The following CTDSPL variants were observed in gnomAD, a reference collection of about 807,000 sequenced individuals.
CTDSPL encodes the protein CTD small phosphatase-like protein.
A neutral mutation model predicts 30.5 loss-of-function variants in CTDSPL; 8 were observed. The ratio of observed to expected loss-of-function variants is 0.26; its 90% CI spans 0.15 to 0.47. The LOEUF (loss-of-function observed/expected upper bound fraction) is 0.47. CTDSPL is among the 20% of genes least tolerant of loss of function. CTDSPL has a pLI of 0.99. For missense variants in CTDSPL, 248 were observed against 366.1 expected (o/e 0.68, Z 2.63); for synonymous variants, 110 against 137.9 (o/e 0.80, Z 1.42).
chr3:37,874,209 G>A (rs552401006), intron 1 of CTDSPL, among the ~76,000 whole-genome samples: 8 of 152,326 alleles, frequency 5.3e-5, no homozygotes, highest in African/African-American at 1.9e-4. Flanking sequence ...CTTAACTGTA[G>A]CATCCCAGGT....
chr3:37,864,732 A>G (rs1351093190), intron 1 of CTDSPL, among the ~76,000 whole-genome samples: 1 of 151,932 alleles, frequency 6.6e-6, no homozygotes, highest in Non-Finnish European at 1.5e-5. Context: ...TGTAAAATAC[A>G]TTTTTACATA....
intron 1 of CTDSPL, among the ~76,000 whole-genome samples, chr3:37,900,829 C>A (rs598734): frequency 1.3e-5 from 2 of 152,084 alleles, no homozygotes; most frequent in Admixed American, 1.3e-4. Context: ...GACGAAGTCT[C>A]GCTCTGTTGC....
At chr3:37,914,930 G>A (rs1381129637) in intron 1 of CTDSPL, among the ~76,000 whole-genome samples, 2 of 135,576 alleles carry the variant, frequency 1.5e-5, no homozygotes, top group Non-Finnish European at 1.5e-5. Flanking sequence ...TGCTTAGGCT[G>A]GATTGCAGTG....
intron 5 of CTDSPL, among the ~76,000 whole-genome samples, chr3:37,970,548 C>A (rs1176688784): frequency 6.6e-6 from 1 of 152,172 alleles, no homozygotes; most frequent in East Asian, 1.9e-4. Flanking sequence ...TCCCTCCTCC[C>A]ACTTCCTCTG....
chr3:37,879,244 A>G (rs983891213), intron 1 of CTDSPL, among the ~76,000 whole-genome samples: 2 of 152,234 alleles, frequency 1.3e-5, no homozygotes, highest in African/African-American at 4.8e-5. Context: ...CAATTTCAAG[A>G]CATCACTTAG....
At chr3:37,885,428 GAGA>G (rs1229241511) in intron 1 of CTDSPL, among the ~76,000 whole-genome samples, 2 of 152,184 alleles carry the variant, frequency 1.3e-5, no homozygotes, top group African/African-American at 2.4e-5. Flanking sequence ...AATTCTTTTG[GAGA>G]AGAAGATTTT....
intron 1 of CTDSPL, among the ~76,000 whole-genome samples, chr3:37,941,102 T>G (rs1460963022): frequency 6.7e-6 from 1 of 150,214 alleles, no homozygotes; most frequent in Non-Finnish European, 1.5e-5. Flanking sequence ...TGGGCTGCAG[T>G]GACACCAGGG....
At chr3:37,888,393 A>G (rs1396572004) in intron 1 of CTDSPL, among the ~76,000 whole-genome samples, 1 of 152,232 alleles carries the variant, frequency 6.6e-6, no homozygotes, top group East Asian at 1.9e-4. Flanking sequence ...TTGCCAAAGC[A>G]TCACCTTCCT....
Position 37,919,720 on chromosome 3 carries a change from G to A in CTDSPL, c.80-27337G>A, listed in dbSNP as rs1270771090. ...AGATGGAATGGGAAAGGGGGCCAGG[G>A]TTTCCCTTCCTCAGGATAGTGGAGT... is the stretch of plus-strand genomic sequence containing the variant. On this transcript the variant is annotated intron_variant, in intron 1 of 7. Coordinates refer to ENST00000273179, the MANE Select transcript of CTDSPL (RefSeq NM_001008392.2). Among the ~76,000 whole-genome samples the A allele has an allele frequency of 5.9e-5, 9 of 152,304 alleles. No homozygotes were observed. The East Asian group carries it at 1.5e-3, about 26-fold the overall frequency.
chr3:37,959,971 A>G (rs57727931), intron 3 of CTDSPL, among the ~76,000 whole-genome samples: 9,621 of 152,254 alleles, frequency 0.063, 322 homozygotes, highest in South Asian at 0.14. Flanking sequence ...GGAGAGGCCG[A>G]GGAGGGCAGA....
chr3:37,914,263 A>G (rs1434841365), intron 1 of CTDSPL, among the ~76,000 whole-genome samples: 1 of 152,068 alleles, frequency 6.6e-6, no homozygotes, highest in Non-Finnish European at 1.5e-5. Flanking sequence ...ATATCTCCCA[A>G]CTGTTTAGTT....
At chr3:37,899,484 A>G (rs1698425058) in intron 1 of CTDSPL, among the ~76,000 whole-genome samples, 1 of 152,174 alleles carries the variant, frequency 6.6e-6, no homozygotes, top group Non-Finnish European at 1.5e-5. Context: ...AATTACGACC[A>G]TCCTGTGGGC....
In CTDSPL at chr3:37,862,092, G is replaced by A. The variant is rs1172351460; in HGVS notation, c.-108G>A. 4.3e-6 allele frequency: 1 copy of A among 232,648 alleles called. No homozygotes were observed. The highest frequency in any genetic ancestry group is 6.8e-6 in the Non-Finnish European group (1 of 147,776). The allele number at this position is 232,648 out of a possible 1,614,324, so 14.4% of individuals were successfully genotyped here. ...CGGGCGGCGGGCGCGCCCAGGCAGC[G>A]GCTGCGAGCGCCCCCCCGCGCCGCG... On this transcript the variant is annotated 5_prime_UTR_variant, in exon 1 of 8. Transcript: ENST00000273179. This position sits in a 1 kb window ranked among gnomAD's most constrained non-coding sequence, Gnocchi z 4.3.
chr3:37,867,063 A>T (rs1285423822), intron 1 of CTDSPL, among the ~76,000 whole-genome samples: 1 of 152,176 alleles, frequency 6.6e-6, no homozygotes, highest in Non-Finnish European at 1.5e-5. Context: ...AAATTTCATC[A>T]TCAGGAGGAT....
chr3:37,926,855 G>A (rs1283691253), intron 1 of CTDSPL, among the ~76,000 whole-genome samples: 2 of 152,210 alleles, frequency 1.3e-5, no homozygotes, highest in Non-Finnish European at 2.9e-5. Context: ...ACAGTCCAGA[G>A]CGGGTGGGAA....
chr3:37,951,479 C>G (rs1027007333), intron 2 of CTDSPL, among the ~76,000 whole-genome samples: 2 of 152,062 alleles, frequency 1.3e-5, no homozygotes, highest in Non-Finnish European at 2.9e-5. Flanking sequence ...AGTTTGAGAC[C>G]AGCCTGGGCA....
chr3:37,883,040 AT>A (rs1423566179), intron 1 of CTDSPL, among the ~76,000 whole-genome samples: 3 of 152,360 alleles, frequency 2.0e-5, no homozygotes, highest in South Asian at 2.1e-4. Context: ...CAAAAGAATG[AT>A]TTGCCAGTTC....
At chr3:37,916,244 A>G (rs1233442825) in intron 1 of CTDSPL, among the ~76,000 whole-genome samples, 1 of 152,200 alleles carries the variant, frequency 6.6e-6, no homozygotes, top group Non-Finnish European at 1.5e-5. Flanking sequence ...CTAATTCTCC[A>G]TAACTTGAAG....
chr3:37,940,091 C>G lies in CTDSPL; in HGVS notation c.80-6966C>G, dbSNP rs575774806. Among the ~76,000 whole-genome samples, 4 of 144,374 alleles carry G rather than the reference C, an allele frequency of 2.8e-5. No individual in the cohort carries two copies. The East Asian group carries it at 6.0e-4, about 22-fold the overall frequency. The allele number at this position is 144,374 out of a possible 152,430, so 94.7% of individuals were successfully genotyped here. A position where few individuals can be genotyped will look rare whatever the true frequency, so the allele number is the denominator to read the frequency against. On this transcript the variant is annotated intron_variant, in intron 1 of 7. Coordinates refer to ENST00000273179, the MANE Select transcript of CTDSPL (RefSeq NM_001008392.2). ...TGGGTGACAGAGCAAGACTCCGTCT[C>G]AAAAAAAAAAGCTATTTCTATACCC...
Sources: allele counts gnomAD v4.1 joint callset (sites outside exome capture counted in the v4.1 genomes callset), GRCh38; gene constraint gnomAD v4.1.1; non-coding constraint Gnocchi (gnomAD v3.1); transcripts MANE v1.5; gene names NCBI Gene and HGNC (gene_info 2026-07-23, HGNC 2026-07-21).